CCDC74A: variants seen among roughly 807,000 people sequenced by gnomAD.
The protein encoded by CCDC74A is coiled-coil domain-containing protein 74A.
In CCDC74A, 38 loss-of-function variants were observed where a neutral mutation model predicts 37.6. The observed-to-expected ratio is 1.01, with a 90% CI of 0.78 to 1.33. The LOEUF (loss-of-function observed/expected upper bound fraction) is 1.33, where lower values mean the gene tolerates loss of function less well. CCDC74A is among the 40% of genes most tolerant of loss of function. CCDC74A has a pLI of 0.00. For synonymous variants in CCDC74A, 134 were observed against 165.2 expected (o/e 0.81, Z 1.45); for missense variants, 340 against 403.4 (o/e 0.84, Z 1.35).
At chr2:131,523,587 A>T (rs1680201462), upstream of CCDC74A, among the ~76,000 whole-genome samples, 1 of 152,162 alleles carries the variant, frequency 6.6e-6, no homozygotes, top group Non-Finnish European at 1.5e-5. Flanking sequence ...AGATCGCACC[A>T]CTGTACTCCA....
chr2:131,527,873 C>A, upstream of CCDC74A: 3 of 1,407,126 alleles, frequency 2.1e-6, no homozygotes, highest in Non-Finnish European at 2.8e-6. Flanking sequence ...TCGCGCCTTC[C>A]GTCGCCCGGT....
chr2:131,528,897 C>A (rs576593955), intron 1 of CCDC74A, among the ~76,000 whole-genome samples: 20 of 152,072 alleles, frequency 1.3e-4, no homozygotes, highest in Non-Finnish European at 2.8e-4. Context: ...CTAAACACAT[C>A]GGATCAGGAG....
At chr2:131,528,362 C>T (rs2104782341) in intron 1 of CCDC74A, 142 bp downstream of exon 1, 2 of 1,547,556 alleles carry the variant, frequency 1.3e-6, no homozygotes, top group Non-Finnish European at 1.7e-6. Flanking sequence ...CCCGCCCTGC[C>T]ACGCTGAGCT....
Position 131,528,123 on chromosome 2 carries a change from G to A in CCDC74A, c.153G>A (p.Leu51=), listed in dbSNP as rs777785523. The part of the protein sequence containing the change: ...LRQSDPQKRN[L]DLEKSLQFLQ... The stretch of plus-strand genomic sequence containing the variant: ...AGAGCGACCCGCAGAAACGGAACCT[G>A]GACCTGGAGAAAAGCCTGCAGTTCC... Residue 51 remains leucine, a synonymous_variant, in exon 1 of 8, where the codon CTG becomes CTA. Transcript: ENST00000409856. The A allele has an allele frequency of 6.2e-7, 1 of 1,613,886 alleles. No individual in the cohort carries two copies. The highest frequency in any genetic ancestry group is 8.5e-7 in the Non-Finnish European group (1 of 1,179,830).
Position 131,530,950 on chromosome 2 carries a change from G to A in CCDC74A, c.346+123G>A, listed in dbSNP as rs1681182354. Reference sequence around the variant, plus strand: ...GGGCCAAGCTCCAGGATTTGGGGATGAAGGTGCAGCTGAAAAGAGCCCTGC... The same window carrying A: ...GGGCCAAGCTCCAGGATTTGGGGATAAAGGTGCAGCTGAAAAGAGCCCTGC... On this transcript the variant is annotated intron_variant, in intron 3 of 7. Transcript: ENST00000409856. 1.0e-5 allele frequency: 14 copies of A among 1,392,480 alleles called. No individual in the cohort carries two copies. The South Asian group carries it at 1.8e-4, about 18-fold the overall frequency. The allele number at this position is 1,392,480 out of a possible 1,614,324, so 86.3% of individuals were successfully genotyped here.
Position 131,531,664 on chromosome 2 carries a change from G to C in CCDC74A, c.347G>C (p.Gly116Ala). Residue 116 changes from glycine to alanine, a missense_variant and splice_region_variant, in exon 4 of 8, where the codon GGC (glycine) becomes GCC (alanine). Around this residue, in one of 3 missense-constraint regions of CCDC74A, gnomAD observed 154 missense variants for 153.9 expected, o/e 1.00. Coordinates refer to ENST00000409856, the MANE Select transcript of CCDC74A (RefSeq NM_001258306.3). ...GTCTGACTTGCAGCCAACTCTCAAGGCAAGGCCAGGCCCCAGCCCGGCTCC... is the reference window on the plus strand; with the variant it reads ...GTCTGACTTGCAGCCAACTCTCAAGCCAAGGCCAGGCCCCAGCCCGGCTCC... The part of the protein sequence containing the change: ...FQSVKSISNS[G>A]KARPQPGSFN... The C allele has an allele frequency of 1.3e-6, 2 of 1,538,852 alleles. No homozygotes were observed. The highest frequency in any genetic ancestry group is 2.4e-5 in the South Asian group (2 of 84,446).
At chr2:131,525,643 G>A (rs62178995), upstream of CCDC74A, among the ~76,000 whole-genome samples, 25,941 of 149,818 alleles carry the variant, frequency 0.17, 2,711 homozygotes, top group South Asian at 0.26. Context: ...CACCTCCTGA[G>A]TTCAAGCAAT....
chr2:131,530,954 G>T (rs1681183262), intron 3 of CCDC74A, 127 bp downstream of exon 3: 4 of 1,476,716 alleles, frequency 2.7e-6, no homozygotes, highest in Non-Finnish European at 2.7e-6. Flanking sequence ...GGGGATGAAG[G>T]TGCAGCTGAA....
upstream of CCDC74A, chr2:131,527,695 A>C: frequency 2.3e-6 from 1 of 444,292 alleles, no homozygotes; most frequent in Non-Finnish European, 3.9e-6. Flanking sequence ...GGGTTTCGCC[A>C]TGTTGGTCAG....
chr2:131,528,027 C>T lies in CCDC74A; in HGVS notation c.57C>T (p.Gly19=), dbSNP rs760584094. Residue 19 remains glycine, a synonymous_variant, in exon 1 of 8, where the codon GGC becomes GGT. Coordinates refer to ENST00000409856, the MANE Select transcript of CCDC74A (RefSeq NM_001258306.3). ...GTRPPSSPTP[G]SRRRRQRPSV... ...GGCCCCCCAGCTCGCCGACCCCGGGCTCTCGGCGCCGGCGCCAGCGCCCCT... is the reference window on the plus strand; with the variant it reads ...GGCCCCCCAGCTCGCCGACCCCGGGTTCTCGGCGCCGGCGCCAGCGCCCCT... 1.1e-4 allele frequency: 157 copies of T among 1,490,608 alleles called. 1 individual carries two copies. Among genetic ancestry groups the T allele is most frequent in the Non-Finnish European group, 1.4e-4 (152 of 1,123,026 alleles). The allele number at this position is 1,490,608 out of a possible 1,614,324, so 92.3% of individuals were successfully genotyped here.
At chr2:131,523,436 T>G (rs1680194014), upstream of CCDC74A, among the ~76,000 whole-genome samples, 1 of 152,162 alleles carries the variant, frequency 6.6e-6, no homozygotes, top group African/African-American at 2.4e-5. Context: ...GAGACCAGCC[T>G]GGCCAACATG....
chr2:131,524,886 C>CAAAAAAAAAAAAAAAA (rs57589680), upstream of CCDC74A, among the ~76,000 whole-genome samples: 1 of 98,278 alleles, frequency 1.0e-5, no homozygotes, highest in African/African-American at 4.1e-5. Context: ...CATAGTAAGA[C>CAAAAAAAAAAAAAAAA]AAAAAAAAAA....
intron 5 of CCDC74A, 32 bp from the exon 6 acceptor site, chr2:131,532,832 G>T: frequency 6.2e-7 from 1 of 1,613,130 alleles, no homozygotes; most frequent in South Asian, 1.1e-5. Context: ...CACCGCCACA[G>T]GCCCCACCAT....
chr2:131,524,878 T>C (rs1021196017), upstream of CCDC74A, among the ~76,000 whole-genome samples: 4 of 79,386 alleles, frequency 5.0e-5, no homozygotes, highest in Non-Finnish European at 6.9e-5. Context: ...CTGGGCAACA[T>C]AGTAAGACAA....
Position 131,529,655 on chromosome 2 carries a change from T to C in CCDC74A, c.259T>C (p.Tyr87His), listed in dbSNP as rs555032574. Residue 87 changes from tyrosine to histidine, a missense_variant, in exon 2 of 8, where the codon TAC becomes CAC. Tyr to His is a moderately conservative substitution (Grantham distance 83). Transcript: ENST00000409856. ...CGTGTGCTTGCTTTCAGATCTCCAT[T>C]ACAAGCTCATAATGAATCAGACATC... ...HLKRENKDLH[Y>H]KLIMNQTSQK... is the part of the protein sequence containing the mutation. The C allele has an allele frequency of 1.9e-6, 3 of 1,614,016 alleles. No individual in the cohort carries two copies. Among genetic ancestry groups the C allele is most frequent in the East Asian group, 2.2e-5 (1 of 44,878 alleles).
In CCDC74A at chr2:131,528,290, A is replaced by C. The variant is rs747922961; in HGVS notation, c.250+70A>C. 4.7e-5 allele frequency: 74 copies of C among 1,578,468 alleles called. No homozygotes were observed. The African/African-American group carries it at 9.6e-4, about 20-fold the overall frequency. Reference sequence around the variant, plus strand: ...CACTCAACACTGCCGCTCCCGCAGCACAGAAACACAGCCATCAACTCCAGC... The same window carrying C: ...CACTCAACACTGCCGCTCCCGCAGCCCAGAAACACAGCCATCAACTCCAGC... On this transcript the variant is annotated intron_variant, in intron 1 of 7. Coordinates refer to ENST00000409856, the MANE Select transcript of CCDC74A (RefSeq NM_001258306.3).
chr2:131,531,776 A>C lies in CCDC74A; in HGVS notation c.459A>C (p.Lys153Asn). Residue 153 changes from lysine to asparagine, a missense_variant, in exon 4 of 8, where the codon AAA (lysine) becomes AAC (asparagine). Lys to Asn is a moderately conservative substitution (Grantham distance 94). This residue lies in a region of CCDC74A where 185 missense variants were observed against 231.5 expected (regional missense o/e 0.80). Transcript: ENST00000409856. ...TACTTCACAACAGCAAGCTGGACAA[A>C]GTTCCTGGGGTACAAGGGCAGGCCA... Reference protein sequence around the residue: ...EPLLHNSKLDKVPGVQGQARK... With the variant: ...EPLLHNSKLDNVPGVQGQARK... 1 of 1,363,706 alleles carries C rather than the reference A, an allele frequency of 7.3e-7. No individual in the cohort carries two copies. The highest frequency in any genetic ancestry group is 2.1e-5 in the African/African-American group (1 of 48,620). The allele number at this position is 1,363,706 out of a possible 1,614,324, so 84.5% of individuals were successfully genotyped here.
In CCDC74A at chr2:131,532,621, C is replaced by T. The variant is rs529281590; in HGVS notation, c.518C>T (p.Ala173Val). 7 of 1,605,012 alleles carry T rather than the reference C, an allele frequency of 4.4e-6. No individual in the cohort carries two copies. In the South Asian group the frequency reaches 6.7e-5, roughly 15 times the overall value. ...KEKAEASNAG[A>V]ACMGNSQHQG... ...AAAGCAGAGGCCTCTAATGCAGGAG[C>T]TGCCTGTATGGGGAACAGCCAGCAC... is the stretch of plus-strand genomic sequence containing the variant. Residue 173 changes from alanine to valine, a missense_variant, in exon 5 of 8, where the codon GCT (alanine) becomes GTT (valine). Coordinates refer to ENST00000409856, the MANE Select transcript of CCDC74A (RefSeq NM_001258306.3).
chr2:131,524,011 A>G (rs151065987), upstream of CCDC74A, among the ~76,000 whole-genome samples: 12,296 of 150,912 alleles, frequency 0.081, 586 homozygotes, highest in Non-Finnish European at 0.095. Context: ...TCTTCCAAGC[A>G]TACTTTCCTT....
Sources: allele counts gnomAD v4.1 joint callset (sites outside exome capture counted in the v4.1 genomes callset), GRCh38; gene constraint gnomAD v4.1.1; regional missense constraint gnomAD v4.1.1; transcripts MANE v1.5; gene names NCBI Gene and HGNC (gene_info 2026-07-23, HGNC 2026-07-21).